KIDINS220: variants seen among roughly 807,000 people sequenced by gnomAD.
KIDINS220 encodes kinase D interacting substrate 220.
In KIDINS220, 63 loss-of-function variants were observed where a neutral mutation model predicts 157.6. The ratio of observed to expected loss-of-function variants is 0.40; its 90% CI spans 0.33 to 0.49. The LOEUF is 0.49. Ranked by LOEUF, KIDINS220 falls within the 20% of genes least tolerant of loss-of-function variation. KIDINS220 has a pLI of 0.66. For missense variants in KIDINS220, 1,772 were observed against 2,171.2 expected (o/e 0.82, Z 3.65); for synonymous variants, 732 against 783.6 (o/e 0.93, Z 1.10).
At chr2:8,828,534 A>G (rs971796478) in intron 1 of KIDINS220, among the ~76,000 whole-genome samples, 1 of 152,242 alleles carries the variant, frequency 6.6e-6, no homozygotes. Context: ...ATAAACCTCA[A>G]TCCATACTTT....
intron 6 of KIDINS220, among the ~76,000 whole-genome samples, 192 bp from the exon 7 acceptor site, chr2:8,806,561 T>C (rs552132699): frequency 6.6e-6 from 1 of 152,296 alleles, no homozygotes; most frequent in African/African-American, 2.4e-5. Flanking sequence ...AACCAGTCCA[T>C]GAAATGTCTT....
Position 8,780,698 on chromosome 2 carries a change from C to T in KIDINS220, c.2230-884G>A, listed in dbSNP as rs1572628863. On this transcript the variant is annotated intron_variant, in intron 17 of 29. Transcript: ENST00000256707. ...CTACCTGAGAAGTGATATAGTATTA[C>T]TTGAAAGTGGGCTTGGATTAGTTAT... 3.3e-5 allele frequency among the ~76,000 whole-genome samples: 5 copies of T among 151,948 alleles called. 1 individual carries two copies. The highest frequency in any genetic ancestry group is 3.3e-4 in the Admixed American group (5 of 15,244).
rs572530050 is a variant in KIDINS220, at chr2:8,753,298, T to C, written c.3012-1654A>G. Among the ~76,000 whole-genome samples the C allele has an allele frequency of 2.8e-4, 43 of 151,664 alleles. No homozygotes were observed. The South Asian group carries it at 8.7e-3, about 31-fold the overall frequency. ...ATAAATTAATCCAACCAATAAAGAG[T>C]GTATAGCAATATGTTTTCATTTGTA... On this transcript the variant is annotated intron_variant, in intron 22 of 29. Transcript: ENST00000256707.
intron 1 of KIDINS220, 69 bp from the exon 2 acceptor site, chr2:8,827,198 CCTT>C: frequency 1.6e-6 from 1 of 617,934 alleles, no homozygotes; most frequent in East Asian, 2.9e-5. Context: ...AATACAATAT[CCTT>C]CTTAACATTA....
intron 17 of KIDINS220, among the ~76,000 whole-genome samples, chr2:8,784,398 T>C (rs1672111274): frequency 6.6e-6 from 1 of 152,030 alleles, no homozygotes; most frequent in Non-Finnish European, 1.5e-5. Context: ...GCAAGATCCA[T>C]GAAAGAAAGA....
chr2:8,740,234 C>T (rs1041363795), intron 26 of KIDINS220: 2 of 831,088 alleles, frequency 2.4e-6, no homozygotes, highest in Non-Finnish European at 2.9e-6. Flanking sequence ...TAAAGTAACA[C>T]ATCCGATGCA....
At chr2:8,823,485 G>C (rs1211125073) in intron 2 of KIDINS220, among the ~76,000 whole-genome samples, 1 of 146,354 alleles carries the variant, frequency 6.8e-6, no homozygotes, top group African/African-American at 2.5e-5. Context: ...AACTGAAAAA[G>C]CCTAGATGGT....
intron 18 of KIDINS220, 79 bp from the exon 19 acceptor site, chr2:8,779,218 C>A: frequency 6.6e-7 from 1 of 1,517,538 alleles, no homozygotes; most frequent in Non-Finnish European, 9.0e-7. Flanking sequence ...AAAATATGTG[C>A]TACCTTTTGG....
chr2:8,772,758 T>C (rs1381495532), intron 21 of KIDINS220, among the ~76,000 whole-genome samples: 1 of 152,220 alleles, frequency 6.6e-6, no homozygotes, highest in East Asian at 1.9e-4. Flanking sequence ...ACTAAATACT[T>C]ATCAATATTT....
At chr2:8,796,058 T>G (rs1673868714) in intron 11 of KIDINS220, among the ~76,000 whole-genome samples, 1 of 152,204 alleles carries the variant, frequency 6.6e-6, no homozygotes, top group Non-Finnish European at 1.5e-5. Flanking sequence ...ACACATTGAC[T>G]CGTGACTCCC....
Position 8,784,734 on chromosome 2 carries a change from G to A in KIDINS220, c.2229+1007C>T, listed in dbSNP as rs1327786853. Among the ~76,000 whole-genome samples, 3 of 152,146 alleles carry A rather than the reference G, an allele frequency of 2.0e-5. No individual in the cohort carries two copies. In the East Asian group the frequency reaches 5.8e-4, roughly 29 times the overall value. On this transcript the variant is annotated intron_variant, in intron 17 of 29. Coordinates refer to ENST00000256707, the MANE Select transcript of KIDINS220 (RefSeq NM_020738.4). ...ATACCACTGCACACCTAACAGAATG[G>A]CCAAAATCCAGAACACCAATAATAC...
chr2:8,802,912 G>A lies in KIDINS220; in HGVS notation c.801+18C>T. The stretch of plus-strand genomic sequence containing the variant: ...TCCACTTCACCACTAGGAGACAAAT[G>A]TGAAATAGATGACCTACCCTGTCAG... On this transcript the variant is annotated intron_variant, in intron 8 of 29. Coordinates refer to ENST00000256707, the MANE Select transcript of KIDINS220 (RefSeq NM_020738.4). 6.2e-7 allele frequency: 1 copy of A among 1,610,062 alleles called. No individual in the cohort carries two copies. Among genetic ancestry groups the A allele is most frequent in the Non-Finnish European group, 8.5e-7 (1 of 1,177,408 alleles).
intron 1 of KIDINS220, 97 bp from the exon 2 acceptor site, chr2:8,827,226 C>T: frequency 1.9e-6 from 1 of 529,434 alleles, no homozygotes; most frequent in Non-Finnish European, 3.3e-6. Context: ...CATGCAAGGA[C>T]ACCTCCAGTG....
At chr2:8,732,371 T>G (rs1664242873) in intron 29 of KIDINS220, among the ~76,000 whole-genome samples, 1 of 152,230 alleles carries the variant, frequency 6.6e-6, no homozygotes, top group Non-Finnish European at 1.5e-5. Flanking sequence ...CAGCTGGGAC[T>G]ATGGGCATGT....
intron 4 of KIDINS220, among the ~76,000 whole-genome samples, chr2:8,813,949 A>T (rs190781477): frequency 1.1e-3 from 162 of 152,308 alleles, no homozygotes; most frequent in Middle Eastern, 3.4e-3. Flanking sequence ...TAAAAAATAA[A>T]AATTTCTTCA....
At chr2:8,822,060 C>A (rs998710475) in intron 2 of KIDINS220, among the ~76,000 whole-genome samples, 1 of 152,174 alleles carries the variant, frequency 6.6e-6, no homozygotes, top group East Asian at 1.9e-4. Flanking sequence ...AGCCAAAACA[C>A]ACCAAAAACA....
chr2:8,759,283 A>G (rs1027167087), intron 22 of KIDINS220, among the ~76,000 whole-genome samples: 5 of 152,160 alleles, frequency 3.3e-5, no homozygotes, highest in African/African-American at 9.7e-5. Flanking sequence ...AGTGCAAACC[A>G]TAAAAGCACT....
chr2:8,796,678 A>T, intron 11 of KIDINS220, 93 bp downstream of exon 11: 1 of 949,610 alleles, frequency 1.1e-6, no homozygotes, highest in Non-Finnish European at 1.7e-6. Context: ...TCCCCACACA[A>T]CCTAAAATCA....
intron 22 of KIDINS220, among the ~76,000 whole-genome samples, chr2:8,753,197 A>G (rs1481572851): frequency 6.6e-6 from 1 of 152,126 alleles, no homozygotes; most frequent in Non-Finnish European, 1.5e-5. Context: ...AAATAGTGGT[A>G]TATCCACACA....
Sources: allele counts gnomAD v4.1 joint callset (sites outside exome capture counted in the v4.1 genomes callset), GRCh38; gene constraint gnomAD v4.1.1; transcripts MANE v1.5; gene names NCBI Gene and HGNC (gene_info 2026-07-23, HGNC 2026-07-21).